The following SPAG1 variants were observed in gnomAD, a reference collection of about 807,000 sequenced individuals.
The protein encoded by SPAG1 is sperm-associated antigen 1.
Under a neutral mutation model 100.5 loss-of-function variants are expected in SPAG1, and 69 were observed. The observed-to-expected ratio is 0.69, with a 90% CI of 0.57 to 0.84. The LOEUF (loss-of-function observed/expected upper bound fraction) is 0.84, where lower values mean the gene tolerates loss of function less well. SPAG1 is among the 40% of genes least tolerant of loss of function. The probability of loss-of-function intolerance (pLI) is 0.00; values close to 1 mark genes in which losing one functional copy is unlikely to be tolerated. For synonymous variants in SPAG1, 336 were observed against 411.6 expected (o/e 0.82, Z 2.22); for missense variants, 955 against 1,133.1 (o/e 0.84, Z 2.26).
chr8:100,187,399 A>G, intron 8 of SPAG1, 149 bp downstream of exon 8: 1 of 528,406 alleles, frequency 1.9e-6, no homozygotes, highest in Non-Finnish European at 3.0e-6. Flanking sequence ...GTTGCTTTTA[A>G]ATTGAACTTG....
chr8:100,200,491 T>A (rs1262263184), intron 10 of SPAG1, among the ~76,000 whole-genome samples: 4 of 152,250 alleles, frequency 2.6e-5, no homozygotes, highest in Non-Finnish European at 5.9e-5. Context: ...CAAATGGTAT[T>A]TCTAGTTCTA....
intron 3 of SPAG1, 65 bp from the exon 4 acceptor site, chr8:100,177,751 A>AT (rs1816191003): frequency 1.0e-6 from 1 of 979,280 alleles, no homozygotes; most frequent in Admixed American, 2.6e-5. Flanking sequence ...GGTCAACTAT[A>AT]GTTCTTTCTT....
At chr8:100,217,333 C>G (rs1307941608) in intron 12 of SPAG1, among the ~76,000 whole-genome samples, 1 of 151,996 alleles carries the variant, frequency 6.6e-6, no homozygotes, top group Non-Finnish European at 1.5e-5. Context: ...AAAATTTTAC[C>G]TATGAAAATA....
At position 100,235,194 on chromosome 8, in the gene SPAG1, C is replaced by T. The variant is rs182700807; in HGVS notation, c.2115+1657C>T. 2.6e-3 allele frequency among the ~76,000 whole-genome samples: 403 copies of T among 152,170 alleles called. 2 individuals carry two copies. Among genetic ancestry groups the T allele is most frequent in the African/African-American group, 9.1e-3 (378 of 41,532 alleles). On this transcript the variant is annotated intron_variant, in intron 16 of 18. Coordinates refer to ENST00000388798, the MANE Select transcript of SPAG1 (RefSeq NM_003114.5). ...CTCCCTGGGTCTCCATGTGGCCTTC[C>T]CTCTGTGTGTGTGTGCCCAAATCTT...
intron 3 of SPAG1, among the ~76,000 whole-genome samples, chr8:100,174,469 A>G (rs1816017843): frequency 6.6e-6 from 1 of 152,196 alleles, no homozygotes; most frequent in African/African-American, 2.4e-5. Context: ...GGAGGAGATG[A>G]AAGGAGAGGC....
chr8:100,190,618 G>GCCA (rs1816771117), intron 8 of SPAG1, among the ~76,000 whole-genome samples: 1 of 150,792 alleles, frequency 6.6e-6, no homozygotes, highest in Non-Finnish European at 1.5e-5. Context: ...TCACTAATGA[G>GCCA]CCACATTCTG....
At chr8:100,194,984 G>A (rs947149456) in intron 10 of SPAG1, among the ~76,000 whole-genome samples, 2 of 151,986 alleles carry the variant, frequency 1.3e-5, no homozygotes, top group Non-Finnish European at 2.9e-5. Context: ...GGCCAACATG[G>A]TGAAACCCTG....
At chr8:100,205,482 G>A (rs541742901) in intron 10 of SPAG1, among the ~76,000 whole-genome samples, 216 of 152,124 alleles carry the variant, frequency 1.4e-3, no homozygotes, top group African/African-American at 5.0e-3. Context: ...GTGGGTCCCC[G>A]GACTCATCCT....
At chr8:100,194,962 C>T (rs1291816464) in intron 10 of SPAG1, among the ~76,000 whole-genome samples, 1 of 151,934 alleles carries the variant, frequency 6.6e-6, no homozygotes, top group African/African-American at 2.4e-5. Flanking sequence ...GTCAGGAGTT[C>T]AAGACCAGCC....
At chr8:100,185,004 G>A (rs1816526978) in intron 7 of SPAG1, 1 of 330,718 alleles carries the variant, frequency 3.0e-6, no homozygotes, top group Admixed American at 5.7e-5. Flanking sequence ...TCAACAGAAG[G>A]CCCATATGAT....
At chr8:100,217,814 A>G (rs559110847) in intron 12 of SPAG1, among the ~76,000 whole-genome samples, 1 of 151,482 alleles carries the variant, frequency 6.6e-6, no homozygotes, top group Admixed American at 6.6e-5. Flanking sequence ...ACAGAGTCTC[A>G]CTCTATCACC....
chr8:100,215,804 G>A (rs767068095), intron 12 of SPAG1, among the ~76,000 whole-genome samples: 6 of 152,232 alleles, frequency 3.9e-5, no homozygotes, highest in Non-Finnish European at 5.9e-5. Flanking sequence ...GATTACAGGC[G>A]TGAGCCACCG....
intron 1 of SPAG1, chr8:100,158,967 T>G (rs1349719140): frequency 7.3e-6 from 1 of 137,748 alleles, no homozygotes; most frequent in African/African-American, 2.6e-5. Flanking sequence ...TGCACTTGAT[T>G]AGTCAAAAAA....
In SPAG1 at chr8:100,214,588, G is replaced by A. The variant is rs976052256; in HGVS notation, c.1535+670G>A. Among the ~76,000 whole-genome samples, 3 of 152,242 alleles carry A rather than the reference G, an allele frequency of 2.0e-5. No individual in the cohort carries two copies. The East Asian group carries it at 5.8e-4, about 29-fold the overall frequency. ...CCACTGAAGGGGGTTTAAACACATC[G>A]AGGTTAGGAACCATGTCTTTTCTTT... is the stretch of plus-strand genomic sequence containing the variant. On this transcript the variant is annotated intron_variant, in intron 12 of 18. Coordinates refer to ENST00000388798, the MANE Select transcript of SPAG1 (RefSeq NM_003114.5).
chr8:100,185,751 T>C (rs188080617), intron 7 of SPAG1, among the ~76,000 whole-genome samples: 1 of 152,326 alleles, frequency 6.6e-6, no homozygotes, highest in Non-Finnish European at 1.5e-5. Flanking sequence ...GGAAATAAGA[T>C]AGATTTTTTT....
intron 8 of SPAG1, among the ~76,000 whole-genome samples, chr8:100,189,367 C>T (rs1816717922): frequency 6.6e-6 from 1 of 152,078 alleles, no homozygotes; most frequent in African/African-American, 2.4e-5. Context: ...ATCCCAACAA[C>T]TTGGGAGGCT....
intron 8 of SPAG1, among the ~76,000 whole-genome samples, chr8:100,188,953 C>A (rs922083146): frequency 6.6e-6 from 1 of 152,116 alleles, no homozygotes; most frequent in Non-Finnish European, 1.5e-5. Context: ...TAGGCAGCAG[C>A]CCACTGAAGG....
At chr8:100,219,460 T>C (rs576771589) in intron 12 of SPAG1, among the ~76,000 whole-genome samples, 104 of 152,368 alleles carry the variant, frequency 6.8e-4, no homozygotes, top group African/African-American at 2.4e-3. Flanking sequence ...AAGAGTACTA[T>C]AGTTTTCATT....
Position 100,206,352 on chromosome 8 carries a change from C to T in SPAG1, c.1097-6738C>T, listed in dbSNP as rs540353444. Among the ~76,000 whole-genome samples, 25 of 152,352 alleles carry T rather than the reference C, an allele frequency of 1.6e-4. 1 individual carries two copies. The highest frequency in any genetic ancestry group is 6.0e-4 in the African/African-American group (25 of 41,580). On this transcript the variant is annotated intron_variant, in intron 10 of 18. Transcript: ENST00000388798. ...TGGCAAGGTTACCAATATACCTTTA[C>T]TGTCCTACCTCAGGGGTATATCAAC...
Sources: gnomAD v4.1 joint callset for allele counts (sites outside exome capture counted in the v4.1 genomes callset) on GRCh38, gnomAD v4.1.1 for gene constraint, MANE v1.5 for transcripts, NCBI Gene and HGNC (gene_info 2026-07-23, HGNC 2026-07-21) for gene names.